The following MYO1E variants were observed in gnomAD, a reference collection of about 807,000 sequenced individuals.
The protein encoded by MYO1E is myosin IE, also known as unconventional myosin-Ie.
In MYO1E, 68 loss-of-function variants were observed where a neutral mutation model predicts 151.1. The ratio of observed to expected loss-of-function variants is 0.45; its 90% CI spans 0.37 to 0.55. MYO1E has a LOEUF of 0.55. MYO1E is among the 20% of genes least tolerant of loss of function. The probability of loss-of-function intolerance (pLI) is 0.00; values close to 1 mark genes in which losing one functional copy is unlikely to be tolerated. For missense variants in MYO1E, 1,363 were observed against 1,389.3 expected (o/e 0.98, Z 0.30); for synonymous variants, 601 against 501.7 (o/e 1.20, Z -2.64).
At chr15:59,170,163 A>G (rs2079583948) in intron 22 of MYO1E, among the ~76,000 whole-genome samples, 2 of 132,284 alleles carry the variant, frequency 1.5e-5, no homozygotes, top group South Asian at 4.3e-4. Flanking sequence ...TCTGTCTAAA[A>G]CAAAACAAAA....
intron 18 of MYO1E, among the ~76,000 whole-genome samples, chr15:59,187,319 G>A (rs1333813580): frequency 2.6e-5 from 4 of 152,174 alleles, no homozygotes; most frequent in Non-Finnish European, 5.9e-5. Flanking sequence ...AAATACAAAT[G>A]GCTAACAGGC....
At chr15:59,224,423 T>C (rs2079975950) in intron 8 of MYO1E, among the ~76,000 whole-genome samples, 1 of 152,206 alleles carries the variant, frequency 6.6e-6, no homozygotes, top group African/African-American at 2.4e-5. Flanking sequence ...GTATGAATCA[T>C]TTTTGCCTAT....
chr15:59,223,876 G>T (rs1032254555), intron 8 of MYO1E, among the ~76,000 whole-genome samples: 1 of 152,102 alleles, frequency 6.6e-6, no homozygotes, highest in Non-Finnish European at 1.5e-5. Flanking sequence ...ACTTTTCCCC[G>T]CAGCTGCTTT....
chr15:59,168,712 T>C (rs2079575431), intron 22 of MYO1E, among the ~76,000 whole-genome samples: 1 of 151,450 alleles, frequency 6.6e-6, no homozygotes, highest in South Asian at 2.1e-4. Flanking sequence ...CCTTGACCTA[T>C]TGGGCTCAAG....
At chr15:59,368,472 A>G (rs4775157) in intron 1 of MYO1E, among the ~76,000 whole-genome samples, 8,257 of 8,966 alleles carry the variant, frequency 0.92, 3,845 homozygotes, top group Middle Eastern at 1. Flanking sequence ...TTAGCTGGGC[A>G]TTGTGGCAGG....
intron 1 of MYO1E, among the ~76,000 whole-genome samples, chr15:59,319,477 G>A (rs187156254): frequency 4.0e-4 from 60 of 148,382 alleles, no homozygotes; most frequent in Admixed American, 1.5e-3. Flanking sequence ...AGCAGGCTTG[G>A]AAGTTTTAGC....
At chr15:59,320,043 G>A (rs1169489985) in intron 1 of MYO1E, among the ~76,000 whole-genome samples, 2 of 152,160 alleles carry the variant, frequency 1.3e-5, no homozygotes, top group Non-Finnish European at 2.9e-5. Flanking sequence ...CATTCAAGTT[G>A]TGAGCCAAAT....
chr15:59,187,712 T>C (rs1412180103), intron 18 of MYO1E, among the ~76,000 whole-genome samples: 1 of 152,254 alleles, frequency 6.6e-6, no homozygotes, highest in Non-Finnish European at 1.5e-5. Context: ...ATAAGTAAAC[T>C]GTGGTATATC....
At chr15:59,370,173 A>G (rs1567027381) in intron 1 of MYO1E, among the ~76,000 whole-genome samples, 1 of 152,214 alleles carries the variant, frequency 6.6e-6, no homozygotes. Context: ...CAAAGAAGGT[A>G]ATGTCCTTTC....
chr15:59,241,921 A>AAAAAT lies in MYO1E; in HGVS notation c.333-5254_333-5250dup, dbSNP rs374472292. On this transcript the variant is annotated intron_variant, in intron 4 of 27. Coordinates refer to ENST00000288235, the MANE Select transcript of MYO1E (RefSeq NM_004998.4). Reference sequence around the variant, plus strand: ...GTAACAAAGTGAGATCCTGTCTCTAAAAAATAAAATAAAATAAAATAAAAT... The same window carrying AAAAAT: ...GTAACAAAGTGAGATCCTGTCTCTAAAAAATAAAATAAAATAAAATAAAATAAAAT... Among the ~76,000 whole-genome samples, 396 of 150,832 alleles carry AAAAAT rather than the reference A, an allele frequency of 2.6e-3. 2 individuals are homozygous for AAAAAT. Among genetic ancestry groups the AAAAAT allele is most frequent in the African/African-American group, 6.6e-3 (267 of 40,452 alleles).
At chr15:59,310,356 T>A (rs1258371447) in intron 1 of MYO1E, among the ~76,000 whole-genome samples, 3 of 152,164 alleles carry the variant, frequency 2.0e-5, no homozygotes, top group African/African-American at 4.8e-5. Context: ...GTGACCTAAT[T>A]TGGAAATAGT....
rs562895697 is a variant in MYO1E at position 59,338,743 on chromosome 15, C to A, written c.3+33755G>T. ...AAAATTTAGAATGATATGGGGCAAA[C>A]AGTGCAAGAGAACCAAAGACAGGGG... On this transcript the variant is annotated intron_variant, in intron 1 of 27. Coordinates refer to ENST00000288235, the MANE Select transcript of MYO1E (RefSeq NM_004998.4). 2.6e-5 allele frequency among the ~76,000 whole-genome samples: 4 copies of A among 152,290 alleles called. No homozygotes were observed. In the East Asian group the frequency reaches 7.7e-4, roughly 29 times the overall value.
intron 1 of MYO1E, among the ~76,000 whole-genome samples, chr15:59,344,878 A>T (rs1371190196): frequency 6.6e-6 from 1 of 152,262 alleles, no homozygotes; most frequent in African/African-American, 2.4e-5. Context: ...AATAGGCACT[A>T]GAATCAATAG....
At chr15:59,324,669 C>CCCA (rs1386040438) in intron 1 of MYO1E, among the ~76,000 whole-genome samples, 5 of 150,540 alleles carry the variant, frequency 3.3e-5, no homozygotes, top group South Asian at 2.1e-4. Context: ...CCAAGCCCCC[C>CCCA]CCCCACAGAG....
intron 1 of MYO1E, among the ~76,000 whole-genome samples, chr15:59,349,739 G>C (rs145745914): frequency 1.3e-4 from 20 of 152,324 alleles, no homozygotes; most frequent in African/African-American, 4.8e-4. Context: ...GTTTGAGGCT[G>C]AGCAGGTCAA....
chr15:59,220,552 A>T (rs1195856839), intron 9 of MYO1E, among the ~76,000 whole-genome samples: 1 of 151,652 alleles, frequency 6.6e-6, no homozygotes, highest in East Asian at 1.9e-4. Context: ...ATTTTTTTCC[A>T]TTTTTTTTCT....
chr15:59,274,059 C>T (rs1596395400), intron 1 of MYO1E, among the ~76,000 whole-genome samples: 1 of 150,686 alleles, frequency 6.6e-6, no homozygotes. Context: ...AAATGGTTTA[C>T]TTTTTTTTCG....
At chr15:59,304,753 A>G (rs1340464006) in intron 1 of MYO1E, among the ~76,000 whole-genome samples, 1 of 152,248 alleles carries the variant, frequency 6.6e-6, no homozygotes. Flanking sequence ...GCGGGACCTA[A>G]GACTGCAAAA....
At chr15:59,353,369 A>AAAAAAGAAAAGAAAAGAAAAG (rs1178465167) in intron 1 of MYO1E, among the ~76,000 whole-genome samples, 6 of 96,846 alleles carry the variant, frequency 6.2e-5, no homozygotes, top group African/African-American at 2.5e-4. Flanking sequence ...AAAAAAAAAA[A>AAAAAAGAAAAGAAAAGAAAAG]AAAAGAAAAG....
Sources: allele counts gnomAD v4.1 joint callset (sites outside exome capture counted in the v4.1 genomes callset), GRCh38; gene constraint gnomAD v4.1.1; transcripts MANE v1.5; gene names NCBI Gene and HGNC (gene_info 2026-07-23, HGNC 2026-07-21).